Variants in TMEM258 observed in about 807,000 individuals in gnomAD.
TMEM258 encodes transmembrane protein 258.
TMEM258 carries 11 observed loss-of-function variants against 9.9 expected under a neutral mutation model. That is an observed-to-expected ratio of 1.11 (90% CI 0.70 to 1.85). The LOEUF is 1.85. Ranked by LOEUF, TMEM258 falls within the 40% of genes most tolerant of loss-of-function variation. The pLI, the probability that TMEM258 is intolerant of heterozygous loss-of-function variation, is 0.00. For missense variants in TMEM258, 81 were observed against 99.7 expected, an observed-to-expected ratio of 0.81 and a Z score of 0.80; for synonymous variants, 40 against 39.1, an observed-to-expected ratio of 1.02 and a Z score of -0.09.
chr11:61,791,478 G>T (rs1003234090), intron 1 of TMEM258: 5 of 152,110 alleles, frequency 3.3e-5, no homozygotes, highest in African/African-American at 1.2e-4. Context: ...TGGCCAGGCT[G>T]GTCTTGAACT....
Position 61,792,577 on chromosome 11 carries a change from A to C in TMEM258, c.-19T>G. ...TCACCATTTTGCCCCGCGAAGGCTAATCCGCCGCTCCGCCACCGGAAGAAC... is the reference window on the plus strand; with the variant it reads ...TCACCATTTTGCCCCGCGAAGGCTACTCCGCCGCTCCGCCACCGGAAGAAC... On this transcript the variant is annotated 5_prime_UTR_variant, in exon 1 of 4. Transcript: ENST00000537328. The C allele has an allele frequency of 6.2e-7, 1 of 1,613,704 alleles. No homozygotes were observed.
rs1254091645 is a variant in TMEM258, at chr11:61,790,361, C to A, written c.113+132G>T. ...CCTGCCCCTGGGCATCACTAGCCCT[C>A]CTCTCCTCCTTACCTTCTCTCAGCC... On this transcript the variant is annotated intron_variant, in intron 2 of 3. Coordinates refer to ENST00000537328, the MANE Select transcript of TMEM258 (RefSeq NM_014206.4). The A allele has an allele frequency of 1.1e-5, 9 of 812,818 alleles. No homozygotes were observed. The African/African-American group carries it at 1.5e-4, about 14-fold the overall frequency. 50.4% of individuals were successfully genotyped at this position (812,818 alleles called of 1,614,324 possible). A position where few individuals can be genotyped will look rare whatever the true frequency, so the allele number is the denominator to read the frequency against.
intron 1 of TMEM258, 154 bp downstream of exon 1, chr11:61,792,402 G>A (rs1591144451): frequency 9.1e-7 from 1 of 1,098,218 alleles, no homozygotes. Context: ...TTCATGGCAA[G>A]GGGCTTCCCC....
intron 1 of TMEM258, 122 bp from the exon 2 acceptor site, chr11:61,790,724 G>A: frequency 1.3e-6 from 1 of 767,876 alleles, no homozygotes; most frequent in Non-Finnish European, 2.1e-6. Context: ...GCCCGGAAAT[G>A]TAGCTGCAGA....
chr11:61,790,617 G>C lies in TMEM258; in HGVS notation c.4-15C>G. 6.2e-7 allele frequency: 1 copy of C among 1,606,520 alleles called. No homozygotes were observed. The highest frequency in any genetic ancestry group is 1.1e-5 in the South Asian group (1 of 90,202). On this transcript the variant is annotated splice_polypyrimidine_tract_variant and intron_variant, in intron 1 of 3. Coordinates refer to ENST00000537328, the MANE Select transcript of TMEM258 (RefSeq NM_014206.4). ...GCCTCGAGCTCCTAGAGGAGGGAAA[G>C]AGATCAGAGCTATCAAAGAATCCCA...
At chr11:61,792,109 A>C (rs2135927489) in intron 1 of TMEM258, 1 of 163,854 alleles carries the variant, frequency 6.1e-6, no homozygotes, top group East Asian at 1.8e-4. Flanking sequence ...GGTGGTCACT[A>C]GGAGGCGTGG....
In TMEM258 at chr11:61,789,842, C is replaced by A. The variant is rs759332030; in HGVS notation, c.193G>T (p.Gly65Cys). ...AGCAGCAGGAAGAGGACTCCAAAGC[C>A]CATGAAGAGTGAGGCCACTAAGGAG... ...LISLVASLFM[G>C]FGVLFLLLWV... The change falls in exon 3 of 4, where the codon GGC becomes TGC. Residue 65 changes from glycine to cysteine, a missense_variant. Gly to Cys is a radical substitution (Grantham distance 159, BLOSUM62 -3). Coordinates refer to ENST00000537328, the MANE Select transcript of TMEM258 (RefSeq NM_014206.4). 6.8e-6 allele frequency: 11 copies of A among 1,613,628 alleles called. No homozygotes were observed. The highest frequency in any genetic ancestry group is 9.3e-6 in the Non-Finnish European group (11 of 1,179,846).
chr11:61,789,832 A>T lies in TMEM258; in HGVS notation c.203T>A (p.Val68Asp), dbSNP rs1283858373. ...LVASLFMGFG[V>D]LFLLLWVGIY... ...GCCAACCCAGAGCAGCAGGAAGAGG[A>T]CTCCAAAGCCCATGAAGAGTGAGGC... Residue 68 changes from valine to aspartate, a missense_variant, in exon 3 of 4, where the codon GTC becomes GAC. By Grantham distance (152) the Val-to-Asp change is radical. Transcript: ENST00000537328. 2 of 1,613,664 alleles carry T rather than the reference A, an allele frequency of 1.2e-6. No individual in the cohort carries two copies. Among genetic ancestry groups the T allele is most frequent in the Non-Finnish European group, 1.7e-6 (2 of 1,179,808 alleles).
At chr11:61,790,137 C>A in intron 2 of TMEM258, 1 of 607,686 alleles carries the variant, frequency 1.6e-6, no homozygotes, top group Non-Finnish European at 2.8e-6. Context: ...TCACTTGCCC[C>A]AGGTCACACA....
chr11:61,790,978 G>A (rs934095673), intron 1 of TMEM258, among the ~76,000 whole-genome samples: 9 of 151,898 alleles, frequency 5.9e-5, no homozygotes, highest in African/African-American at 1.7e-4. Context: ...TTTGGACGGC[G>A]TCTCACTCTG....
chr11:61,789,781 T>G lies in TMEM258; in HGVS notation c.*10+4A>C. 6.2e-7 allele frequency: 1 copy of G among 1,607,818 alleles called. No homozygotes were observed. The highest frequency in any genetic ancestry group is 1.1e-5 in the South Asian group (1 of 90,198). On this transcript the variant is annotated splice_donor_region_variant and intron_variant, in intron 3 of 3. Coordinates refer to ENST00000537328, the MANE Select transcript of TMEM258 (RefSeq NM_014206.4). ...TCACGCATCCATCCCATTGCAGCTC[T>G]TACCCTTGGGTGCTCACACGTAGAT...
chr11:61,790,722 A>G, intron 1 of TMEM258, 120 bp from the exon 2 acceptor site: 1 of 775,844 alleles, frequency 1.3e-6, no homozygotes, highest in Non-Finnish European at 2.0e-6. Flanking sequence ...TAGCCCGGAA[A>G]TGTAGCTGCA....
intron 1 of TMEM258, among the ~76,000 whole-genome samples, chr11:61,790,828 A>G (rs1466918407): frequency 6.6e-6 from 1 of 152,186 alleles, no homozygotes; most frequent in Non-Finnish European, 1.5e-5. Flanking sequence ...GAAAAACCAC[A>G]TACAAGAAAA....
At chr11:61,789,382 G>A (rs548378566) in intron 3 of TMEM258, 147 bp from the exon 4 acceptor site, 40 of 170,120 alleles carry the variant, frequency 2.4e-4, no homozygotes, top group Admixed American at 1.6e-3. Context: ...GGCCTGTTTG[G>A]TGGATTGTCT....
intron 1 of TMEM258, among the ~76,000 whole-genome samples, chr11:61,791,044 C>T (rs1431395401): frequency 3.9e-5 from 6 of 151,912 alleles, no homozygotes; most frequent in African/African-American, 9.7e-5. Context: ...CTCTGCCTCC[C>T]GGGTTCTAGA....
chr11:61,789,844 A>T lies in TMEM258; in HGVS notation c.191T>A (p.Met64Lys), dbSNP rs369363909. Reference sequence around the variant, plus strand: ...CAGCAGGAAGAGGACTCCAAAGCCCATGAAGAGTGAGGCCACTAAGGAGAT... The same window carrying T: ...CAGCAGGAAGAGGACTCCAAAGCCCTTGAAGAGTGAGGCCACTAAGGAGAT... ...LLISLVASLF[M>K]GFGVLFLLLW... The change falls in exon 3 of 4, where the codon ATG (methionine) becomes AAG (lysine). Residue 64 changes from methionine (M) to lysine (K), a missense_variant. Physicochemically the swap from Met to Lys is moderately conservative, Grantham distance 95. Coordinates refer to ENST00000537328, the MANE Select transcript of TMEM258 (RefSeq NM_014206.4). 1 of 1,613,858 alleles carries T rather than the reference A, an allele frequency of 6.2e-7. No individual in the cohort carries two copies. Among genetic ancestry groups the T allele is most frequent in the Non-Finnish European group, 8.5e-7 (1 of 1,179,866 alleles).
In TMEM258 at chr11:61,790,942, C is replaced by CT. The variant is rs36203061; in HGVS notation, c.4-341dup. On this transcript the variant is annotated intron_variant, in intron 1 of 3. Transcript: ENST00000537328. ...ACTGGTGGTACCCAGATCTCAATAT[C>CT]TTTTTTTTTTGACGGAGTCTCATTT... Among the ~76,000 whole-genome samples, 278 of 149,676 alleles carry CT rather than the reference C, an allele frequency of 1.9e-3. 2 individuals are homozygous for CT. Among genetic ancestry groups the CT allele is most frequent in the African/African-American group, 5.1e-3 (209 of 40,918 alleles).
chr11:61,789,584 T>C, intron 3 of TMEM258: 1 of 580,846 alleles, frequency 1.7e-6, no homozygotes, highest in Non-Finnish European at 2.9e-6. Flanking sequence ...GAACTGAGAG[T>C]CACATTTGGC....
Position 61,789,840 on chromosome 11 carries a change from G to T in TMEM258, c.195C>A (p.Gly65=). 1 of 1,613,770 alleles carries T rather than the reference G, an allele frequency of 6.2e-7. No homozygotes were observed. Among genetic ancestry groups the T allele is most frequent in the South Asian group, 1.1e-5 (1 of 90,998 alleles). The change falls in exon 3 of 4, where the codon GGC becomes GGA. Residue 65 remains glycine, a synonymous_variant. Coordinates refer to ENST00000537328, the MANE Select transcript of TMEM258 (RefSeq NM_014206.4). The part of the protein sequence containing the change: ...LISLVASLFM[G]FGVLFLLLWV... The stretch of plus-strand genomic sequence containing the variant: ...AGAGCAGCAGGAAGAGGACTCCAAA[G>T]CCCATGAAGAGTGAGGCCACTAAGG...
Sources: gnomAD v4.1 joint callset for allele counts (sites outside exome capture counted in the v4.1 genomes callset) on GRCh38, gnomAD v4.1.1 for gene constraint, MANE v1.5 for transcripts, NCBI Gene and HGNC (gene_info 2026-07-23, HGNC 2026-07-21) for gene names.